The following SELENOT variants were observed in gnomAD, a reference collection of about 807,000 sequenced individuals.
SELENOT encodes thioredoxin reductase-like selenoprotein T.
A neutral mutation model predicts 24.3 loss-of-function variants in SELENOT; 9 were observed. The ratio of observed to expected loss-of-function variants is 0.37; its 90% CI spans 0.22 to 0.65. SELENOT has a LOEUF of 0.65. Among genes scored for constraint, SELENOT ranks in the 30% least tolerant of loss-of-function variants. The pLI is 0.60. For missense variants in SELENOT, 166 were observed against 247.6 expected, an observed-to-expected ratio of 0.67 and a Z score of 2.21; for synonymous variants, 81 against 86.0, an observed-to-expected ratio of 0.94 and a Z score of 0.32.
rs377419342 is a variant in SELENOT at position 150,624,925 on chromosome 3, G to A, written c.463+26G>A. 9 of 1,321,814 alleles carry A rather than the reference G, an allele frequency of 6.8e-6. No individual in the cohort carries two copies. In the African/African-American group the frequency reaches 1.2e-4, roughly 18 times the overall value. 81.9% of individuals were successfully genotyped at this position (1,321,814 alleles called of 1,614,324 possible). ...GTAGGTTCTGAATAGTTTGCATTTT[G>A]TGATTGATTTTAAATGATTTATAAT... On this transcript the variant is annotated intron_variant, in intron 4 of 5. Transcript: ENST00000471696.
chr3:150,620,240 A>G (rs1423124107), intron 1 of SELENOT, among the ~76,000 whole-genome samples: 5 of 152,184 alleles, frequency 3.3e-5, no homozygotes, highest in Non-Finnish European at 7.4e-5. Context: ...CTTGGGGCTC[A>G]TAAGCTTGGT....
intron 1 of SELENOT, among the ~76,000 whole-genome samples, chr3:150,613,610 A>G (rs1228036769): frequency 2.6e-5 from 4 of 151,834 alleles, no homozygotes; most frequent in Non-Finnish European, 5.9e-5. Context: ...CTGATGCAGC[A>G]AAGGTTAAAT....
intron 1 of SELENOT, among the ~76,000 whole-genome samples, chr3:150,608,924 A>G (rs898282724): frequency 6.6e-6 from 1 of 152,224 alleles, no homozygotes; most frequent in Non-Finnish European, 1.5e-5. Context: ...GTGCTGGACA[A>G]TTGAGTTGAA....
In SELENOT at chr3:150,628,906, AT is replaced by A. The variant is rs1317598218; in HGVS notation, c.*1278del. 4 of 152,204 alleles carry A rather than the reference AT, an allele frequency of 2.6e-5. No homozygotes were observed. Among genetic ancestry groups the A allele is most frequent in the Non-Finnish European group, 5.9e-5 (4 of 68,016 alleles). The allele number at this position is 152,204 out of a possible 1,614,324, so 9.4% of individuals were successfully genotyped here. On this transcript the variant is annotated 3_prime_UTR_variant, in exon 6 of 6. Transcript: ENST00000471696. ...CAGGTTGAGTATCCCTTTTCCAAAA[AT>A]GCTTGGGACAAGAAGTATTTCAGAT...
intron 1 of SELENOT, chr3:150,618,985 A>G (rs915185451): frequency 6.6e-6 from 1 of 152,096 alleles, no homozygotes; most frequent in Non-Finnish European, 1.5e-5. Context: ...AAATCAAGCA[A>G]TTGCAACAGT....
At position 150,603,413 on chromosome 3, in the gene SELENOT, C is replaced by G; in HGVS notation, c.51C>G (p.Ser17Arg). The G allele has an allele frequency of 6.2e-7, 1 of 1,613,384 alleles. No individual in the cohort carries two copies. Among genetic ancestry groups the G allele is most frequent in the Non-Finnish European group, 8.5e-7 (1 of 1,179,530 alleles). The change falls in exon 1 of 6, where the codon AGC (serine) becomes AGG (arginine). Residue 17 changes from serine to arginine, a missense_variant. Coordinates refer to ENST00000471696, the MANE Select transcript of SELENOT (RefSeq NM_016275.5). ...TGGCGGCGTCTGCGATGGTCCGGAGCGAGGCCTCGGCCAATCTGGGCGGCG... is the reference window on the plus strand; with the variant it reads ...TGGCGGCGTCTGCGATGGTCCGGAGGGAGGCCTCGGCCAATCTGGGCGGCG... ...LLVAASAMVR[S>R]EASANLGGVP...
Position 150,617,773 on chromosome 3 carries a change from T to TA in SELENOT, c.138-4603dup, listed in dbSNP as rs200368674. Among the ~76,000 whole-genome samples, 523 of 128,802 alleles carry TA rather than the reference T, an allele frequency of 4.1e-3. 7 individuals are homozygous for TA. The highest frequency in any genetic ancestry group is 0.015 in the Middle Eastern group (4 of 266). 84.5% of individuals were successfully genotyped at this position (128,802 alleles called of 152,430 possible). ...CTTGTGTAGTGTTGTTTATGCAACT[T>TA]AAAAAAAAACAAAAAAAAACTGAGC... On this transcript the variant is annotated intron_variant, in intron 1 of 5. Coordinates refer to ENST00000471696, the MANE Select transcript of SELENOT (RefSeq NM_016275.5).
At chr3:150,621,546 A>G (rs1726343768) in intron 1 of SELENOT, among the ~76,000 whole-genome samples, 1 of 150,282 alleles carries the variant, frequency 6.7e-6, no homozygotes, top group Non-Finnish European at 1.5e-5. Context: ...CTGAATTTGT[A>G]AGTTCTTCTG....
chr3:150,620,936 TTAA>T (rs1487510169), intron 1 of SELENOT, among the ~76,000 whole-genome samples: 3 of 152,224 alleles, frequency 2.0e-5, no homozygotes. Flanking sequence ...TGGCAGAATA[TTAA>T]TATGTGATGA....
chr3:150,613,538 G>A (rs1246845448), intron 1 of SELENOT, among the ~76,000 whole-genome samples: 1 of 152,126 alleles, frequency 6.6e-6, no homozygotes, highest in Non-Finnish European at 1.5e-5. Flanking sequence ...TTGTTTCGTG[G>A]AGTGTTATGT....
rs1183322179 is a variant in SELENOT, at chr3:150,628,362, C to T, written c.*733C>T. 6.6e-6 allele frequency: 1 copy of T among 152,582 alleles called. No homozygotes were observed. The allele number at this position is 152,582 out of a possible 1,614,324, so 9.5% of individuals were successfully genotyped here. ...CCTTTATACTTAACTAAATAAAAAA[C>T]TAAGCAGATATGAGTTAAATTTAAA... On this transcript the variant is annotated 3_prime_UTR_variant, in exon 6 of 6. Coordinates refer to ENST00000471696, the MANE Select transcript of SELENOT (RefSeq NM_016275.5).
At chr3:150,623,545 A>G (rs1013263027) in intron 3 of SELENOT, among the ~76,000 whole-genome samples, 2 of 152,084 alleles carry the variant, frequency 1.3e-5, no homozygotes, top group African/African-American at 4.8e-5. Context: ...TAGTGGGTTG[A>G]TTCACATTAA....
rs1726481536 is a variant in SELENOT at position 150,628,081 on chromosome 3, G to A, written c.*452G>A. On this transcript the variant is annotated 3_prime_UTR_variant, in exon 6 of 6. Transcript: ENST00000471696. ...TTGATCCTTTGGGAATCCAGTTGAA[G>A]TTCCCAAATACTTTATAAGAGTTTA... 1.3e-5 allele frequency: 2 copies of A among 152,076 alleles called. No individual in the cohort carries two copies. Among genetic ancestry groups the A allele is most frequent in the South Asian group, 4.1e-4 (2 of 4,830 alleles). The allele number at this position is 152,076 out of a possible 1,614,324, so 9.4% of individuals were successfully genotyped here.
chr3:150,625,667 T>C (rs911168911), intron 4 of SELENOT, among the ~76,000 whole-genome samples: 2 of 152,162 alleles, frequency 1.3e-5, no homozygotes, highest in African/African-American at 2.4e-5. Flanking sequence ...TTATGACACA[T>C]GGAAACTATA....
At chr3:150,608,062 G>T (rs143585477) in intron 1 of SELENOT, among the ~76,000 whole-genome samples, 1 of 152,198 alleles carries the variant, frequency 6.6e-6, no homozygotes, top group Non-Finnish European at 1.5e-5. Flanking sequence ...TTGTATGTTT[G>T]TGGGGAAAGA....
chr3:150,617,437 C>T (rs1263975465), intron 1 of SELENOT, among the ~76,000 whole-genome samples: 2 of 152,224 alleles, frequency 1.3e-5, no homozygotes, highest in Admixed American at 6.5e-5. Flanking sequence ...CTCATCTCAA[C>T]AAAAAATTTA....
intron 2 of SELENOT, 39 bp from the exon 3 acceptor site, chr3:150,623,003 AT>A: frequency 6.8e-7 from 1 of 1,478,774 alleles, no homozygotes; most frequent in Non-Finnish European, 9.0e-7. Context: ...TAGATTGGAA[AT>A]TGTGGCTTCT....
In SELENOT at chr3:150,618,695, C is replaced by CTT. The variant is rs550245014; in HGVS notation, c.138-3682_138-3681dup. The CTT allele has an allele frequency of 9.1e-3, 1,399 of 153,012 alleles. 20 individuals carry two copies. The highest frequency in any genetic ancestry group is 0.033 in the African/African-American group (1,352 of 41,240). The allele number at this position is 153,012 out of a possible 1,614,324, so 9.5% of individuals were successfully genotyped here. ...TGGTACCATACCTGGCTAATTTTTT[C>CTT]TTTTTTTTTGTAGAGATGGAGTCTC... On this transcript the variant is annotated intron_variant, in intron 1 of 5. Coordinates refer to ENST00000471696, the MANE Select transcript of SELENOT (RefSeq NM_016275.5).
chr3:150,623,527 T>C (rs1726383994), intron 3 of SELENOT, among the ~76,000 whole-genome samples: 1 of 152,106 alleles, frequency 6.6e-6, no homozygotes, highest in Non-Finnish European at 1.5e-5. Flanking sequence ...AACCAATTAA[T>C]GTCATATTAG....
Sources: gnomAD v4.1 joint callset for allele counts (sites outside exome capture counted in the v4.1 genomes callset) on GRCh38, gnomAD v4.1.1 for gene constraint, MANE v1.5 for transcripts, NCBI Gene and HGNC (gene_info 2026-07-23, HGNC 2026-07-21) for gene names.